PTPRD: variants seen among roughly 807,000 people sequenced by gnomAD.
The protein encoded by PTPRD is protein tyrosine phosphatase receptor type D.
PTPRD carries 34 observed loss-of-function variants against 214.5 expected under a neutral mutation model. The ratio of observed to expected loss-of-function variants is 0.16; its 90% CI spans 0.12 to 0.21. The LOEUF (loss-of-function observed/expected upper bound fraction) is 0.21. PTPRD is among the 10% of genes least tolerant of loss of function. The probability of loss-of-function intolerance (pLI) is 1.00; values close to 1 mark genes in which losing one functional copy is unlikely to be tolerated. For synonymous variants in PTPRD, 1,128 were observed against 845.7 expected (o/e 1.33, Z -5.79); for missense variants, 2,545 against 2,398.7 (o/e 1.06, Z -1.27).
chr9:9,827,510 G>T (rs1484962287), intron 5 of PTPRD, among the ~76,000 whole-genome samples: 3 of 152,124 alleles, frequency 2.0e-5, no homozygotes, highest in Admixed American at 6.6e-5. Flanking sequence ...ATTAATTCAA[G>T]ATGGATTAAA....
chr9:10,168,842 C>CA (rs2099178156), intron 3 of PTPRD, among the ~76,000 whole-genome samples: 1 of 152,082 alleles, frequency 6.6e-6, no homozygotes, highest in Non-Finnish European at 1.5e-5. Context: ...TATATATACA[C>CA]ACACACGGCG....
intron 23 of PTPRD, among the ~76,000 whole-genome samples, chr9:8,502,407 A>AC (rs1439345209): frequency 6.6e-6 from 1 of 152,068 alleles, no homozygotes; most frequent in African/African-American, 2.4e-5. Flanking sequence ...TGCCAGGTGT[A>AC]TCCAATTGTT....
intron 5 of PTPRD, among the ~76,000 whole-genome samples, chr9:9,906,737 T>A (rs2077676214): frequency 6.6e-6 from 1 of 152,102 alleles, no homozygotes; most frequent in East Asian, 1.9e-4. Context: ...TTTAATTAAA[T>A]TGAAACCCAC....
intron 2 of PTPRD, among the ~76,000 whole-genome samples, chr9:10,527,335 G>A (rs1156532505): frequency 6.6e-6 from 1 of 152,130 alleles, no homozygotes; most frequent in Non-Finnish European, 1.5e-5. Context: ...AAACAAATGA[G>A]ATAAGAGACT....
At chr9:10,055,547 G>C (rs2097616529) in intron 3 of PTPRD, among the ~76,000 whole-genome samples, 1 of 152,012 alleles carries the variant, frequency 6.6e-6, no homozygotes, top group Non-Finnish European at 1.5e-5. Flanking sequence ...TTTAAACACA[G>C]GAATCTGACT....
chr9:8,988,700 C>T (rs1368528595), intron 11 of PTPRD, among the ~76,000 whole-genome samples: 1 of 152,022 alleles, frequency 6.6e-6, no homozygotes, highest in African/African-American at 2.4e-5. Flanking sequence ...TCCTTCAACA[C>T]ATTGTTTTAT....
chr9:9,059,250 G>T (rs2099702845), intron 10 of PTPRD, among the ~76,000 whole-genome samples: 2 of 152,174 alleles, frequency 1.3e-5, no homozygotes, highest in South Asian at 4.1e-4. Context: ...GTAGCACAGG[G>T]CTGGCAGACA....
intron 2 of PTPRD, among the ~76,000 whole-genome samples, chr9:10,597,886 G>C (rs779233706): frequency 3.3e-5 from 5 of 151,732 alleles, no homozygotes; most frequent in Non-Finnish European, 7.4e-5. Flanking sequence ...AGTCTTTCCA[G>C]GTGGGCCTTC....
chr9:9,919,472 G>C (rs1249277307), intron 5 of PTPRD, among the ~76,000 whole-genome samples: 1 of 152,108 alleles, frequency 6.6e-6, no homozygotes, highest in Non-Finnish European at 1.5e-5. Flanking sequence ...CCACCCTTTA[G>C]ATGGCTGTGG....
intron 3 of PTPRD, among the ~76,000 whole-genome samples, chr9:10,217,612 T>C (rs958362502): frequency 6.6e-6 from 1 of 151,964 alleles, no homozygotes; most frequent in African/African-American, 2.4e-5. Flanking sequence ...ATGAGCTTAA[T>C]GCCTTCTCTG....
At chr9:8,415,664 A>T (rs1307524306) in intron 35 of PTPRD, among the ~76,000 whole-genome samples, 1 of 152,184 alleles carries the variant, frequency 6.6e-6, no homozygotes, top group Admixed American at 6.5e-5. Flanking sequence ...TGTCCTTTAA[A>T]AATCTGTGTA....
At chr9:10,385,032 G>A (rs2097890214) in intron 2 of PTPRD, among the ~76,000 whole-genome samples, 1 of 151,590 alleles carries the variant, frequency 6.6e-6, no homozygotes, top group African/African-American at 2.4e-5. Flanking sequence ...TCCTCCATCT[G>A]TATCTCTCAC....
chr9:8,841,699 C>A (rs1345409127), intron 11 of PTPRD, among the ~76,000 whole-genome samples: 1 of 96,914 alleles, frequency 1.0e-5, no homozygotes, highest in Non-Finnish European at 2.0e-5. Flanking sequence ...TACTTAGAGT[C>A]TCAGAAGTGA....
At chr9:8,978,117 G>C (rs890506054) in intron 11 of PTPRD, among the ~76,000 whole-genome samples, 2 of 152,080 alleles carry the variant, frequency 1.3e-5, no homozygotes, top group African/African-American at 4.8e-5. Context: ...CTGGAAGCCA[G>C]AGTGAATTTG....
At chr9:8,461,876 C>A (rs1484105160) in intron 32 of PTPRD, among the ~76,000 whole-genome samples, 3 of 151,920 alleles carry the variant, frequency 2.0e-5, no homozygotes, top group African/African-American at 7.2e-5. Flanking sequence ...TCTCGAACTC[C>A]TGGTCTCAAA....
chr9:8,381,707 T>C (rs574165367), intron 37 of PTPRD, among the ~76,000 whole-genome samples: 2 of 152,294 alleles, frequency 1.3e-5, no homozygotes, highest in South Asian at 4.1e-4. Flanking sequence ...TGTCATAAAA[T>C]TGCCTACCAG....
At position 10,507,550 on chromosome 9, in the gene PTPRD, A is replaced by T. The variant is rs550884654; in HGVS notation, c.-600+104848T>A. On this transcript the variant is annotated intron_variant, in intron 2 of 45. Coordinates refer to ENST00000381196, the MANE Select transcript of PTPRD (RefSeq NM_002839.4). Reference sequence around the variant, plus strand: ...ATCACGCTACCTGACTTCAAACTATACTACAAGACTACAGTAACCAAAACA... The same window carrying T: ...ATCACGCTACCTGACTTCAAACTATTCTACAAGACTACAGTAACCAAAACA... 2.0e-5 allele frequency among the ~76,000 whole-genome samples: 3 copies of T among 152,292 alleles called. No homozygotes were observed. The South Asian group carries it at 6.2e-4, about 32-fold the overall frequency.
chr9:9,358,052 T>C (rs1391657733), intron 9 of PTPRD, among the ~76,000 whole-genome samples: 1 of 151,288 alleles, frequency 6.6e-6, no homozygotes, highest in African/African-American at 2.4e-5. Context: ...TATAAGATTT[T>C]TTTTGTTGCT....
intron 6 of PTPRD, among the ~76,000 whole-genome samples, chr9:9,741,510 G>T (rs867750881): frequency 2.6e-5 from 4 of 151,880 alleles, no homozygotes; most frequent in African/African-American, 9.7e-5. Flanking sequence ...GAACTGGCAG[G>T]TTTGTTACAT....
Sources: allele counts gnomAD v4.1 joint callset (sites outside exome capture counted in the v4.1 genomes callset), GRCh38; gene constraint gnomAD v4.1.1; transcripts MANE v1.5; gene names NCBI Gene and HGNC (gene_info 2026-07-23, HGNC 2026-07-21).